WDR43: variants seen among roughly 807,000 people sequenced by gnomAD.
WDR43 encodes the protein WD repeat-containing protein 43.
A neutral mutation model predicts 91.4 loss-of-function variants in WDR43; 13 were observed. The ratio of observed to expected loss-of-function variants is 0.14; its 90% CI spans 0.09 to 0.23. The LOEUF is 0.23. Among genes scored for constraint, WDR43 ranks in the 10% least tolerant of loss-of-function variants. The pLI is 1.00. For missense variants in WDR43, 780 were observed against 809.4 expected (o/e 0.96, Z 0.44); for synonymous variants, 331 against 287.9 (o/e 1.15, Z -1.51).
At chr2:28,935,403 A>T in intron 11 of WDR43, 118 bp from the exon 12 acceptor site, 1 of 621,228 alleles carries the variant, frequency 1.6e-6, no homozygotes, top group Non-Finnish European at 2.7e-6. Flanking sequence ...TTCAGTTTGT[A>T]GTTTATTGCC....
At chr2:28,929,860 G>C in intron 11 of WDR43, 150 bp downstream of exon 11, 1 of 861,424 alleles carries the variant, frequency 1.2e-6, no homozygotes, top group South Asian at 1.8e-5. Flanking sequence ...GTATCACTTG[G>C]TGGCATTATA....
At chr2:28,919,502 A>G (rs1355386801) in intron 6 of WDR43, among the ~76,000 whole-genome samples, 1 of 152,080 alleles carries the variant, frequency 6.6e-6, no homozygotes, top group East Asian at 1.9e-4. Flanking sequence ...TAAAAATACA[A>G]AAAATTAGCC....
rs573972169 is a variant in WDR43, at chr2:28,932,704, A to G, written c.1438-2817A>G. Among the ~76,000 whole-genome samples the G allele has an allele frequency of 2.0e-5, 3 of 152,300 alleles. No homozygotes were observed. In the South Asian group the frequency reaches 6.2e-4, roughly 32 times the overall value. On this transcript the variant is annotated intron_variant, in intron 11 of 17. Transcript: ENST00000407426. ...GGGATACAACATGGCACCTTCCAAG[A>G]GGTTAATACTGTCTGTCATAGAAAA...
At chr2:28,904,544 C>G (rs574711761) in intron 2 of WDR43, among the ~76,000 whole-genome samples, 11 of 152,264 alleles carry the variant, frequency 7.2e-5, no homozygotes, top group African/African-American at 2.6e-4. Flanking sequence ...CATCATAAGG[C>G]TAAACACATT....
chr2:28,912,789 A>G (rs1375217449), intron 4 of WDR43, 79 bp downstream of exon 4: 3 of 1,536,342 alleles, frequency 2.0e-6, no homozygotes, highest in Admixed American at 2.1e-5. Flanking sequence ...ACCATAAGAT[A>G]TTATTTTAAG....
At chr2:28,907,172 A>T (rs981676371) in intron 3 of WDR43, among the ~76,000 whole-genome samples, 1 of 152,212 alleles carries the variant, frequency 6.6e-6, no homozygotes, top group Non-Finnish European at 1.5e-5. Flanking sequence ...ATGCTTAGTA[A>T]ATGTGGGCTG....
rs955057991 is a variant in WDR43 at position 28,947,808 on chromosome 2, A to G, written c.*1029A>G. The G allele has an allele frequency of 2.8e-5, 4 of 144,212 alleles. No individual in the cohort carries two copies. In the Middle Eastern group the frequency reaches 0.015, roughly 546 times the overall value. The allele number at this position is 144,212 out of a possible 1,614,324, so 8.9% of individuals were successfully genotyped here. ...TGATAAGTCTCACTCAAGATTTTTT[A>G]TGTATGTATAAATATTTTGGTGTGC... On this transcript the variant is annotated 3_prime_UTR_variant, in exon 18 of 18. Coordinates refer to ENST00000407426, the MANE Select transcript of WDR43 (RefSeq NM_015131.3).
Position 28,946,672 on chromosome 2 carries a change from G to A in WDR43, c.1927G>A (p.Ala643Thr). ...GGACGTTGAAGAGGAAGATGAGGAT[G>A]CCGAAGGAAAAGATGAAGAAAATGG... The part of the protein sequence containing the change: ...DEDVEEEDED[A>T]EGKDEENGED... The change falls in exon 18 of 18, where the codon GCC (alanine) becomes ACC (threonine). Residue 643 changes from alanine to threonine, a missense_variant. Physicochemically the swap from Ala to Thr is moderately conservative, Grantham distance 58. This residue lies in a region of WDR43 where 426 missense variants were observed against 467.8 expected (regional missense o/e 0.91). Coordinates refer to ENST00000407426, the MANE Select transcript of WDR43 (RefSeq NM_015131.3). 6.4e-7 allele frequency: 1 copy of A among 1,563,920 alleles called. No individual in the cohort carries two copies. The highest frequency in any genetic ancestry group is 1.4e-5 in the African/African-American group (1 of 73,746).
Position 28,922,797 on chromosome 2 carries a change from G to GTTTTTTTTTTTTTTTT in WDR43, c.850-120_850-105dup, listed in dbSNP as rs70958224. The GTTTTTTTTTTTTTTTT allele has an allele frequency of 6.4e-5, 15 of 233,868 alleles. 2 individuals carry two copies. Among genetic ancestry groups the GTTTTTTTTTTTTTTTT allele is most frequent in the South Asian group, 9.4e-5 (1 of 10,622 alleles). 14.5% of individuals were successfully genotyped at this position (233,868 alleles called of 1,614,324 possible). On this transcript the variant is annotated intron_variant, in intron 6 of 17. Coordinates refer to ENST00000407426, the MANE Select transcript of WDR43 (RefSeq NM_015131.3). ...TTATTTTTAAATGGATTCTTGCTGTGTTTTTTTTTTTTTTTTTCTGGTTGT... is the reference window on the plus strand; with the variant it reads ...TTATTTTTAAATGGATTCTTGCTGTGTTTTTTTTTTTTTTTTTTTTTTTTTTTTTTTTTCTGGTTGT...
At chr2:28,937,441 G>A (rs1470667565) in intron 13 of WDR43, among the ~76,000 whole-genome samples, 1 of 151,660 alleles carries the variant, frequency 6.6e-6, no homozygotes, top group Admixed American at 6.6e-5. Flanking sequence ...CTCGTGGGGT[G>A]CATTAGCCTT....
At chr2:28,913,920 A>G (rs1670856577) in intron 4 of WDR43, 149 bp from the exon 5 acceptor site, 5 of 926,486 alleles carry the variant, frequency 5.4e-6, no homozygotes, top group African/African-American at 5.0e-5. Flanking sequence ...AAATAACCTT[A>G]TTTGCTTAGA....
chr2:28,914,031 T>C (rs780771164), intron 4 of WDR43, 38 bp from the exon 5 acceptor site: 9 of 1,608,170 alleles, frequency 5.6e-6, no homozygotes, highest in Non-Finnish European at 7.6e-6. Flanking sequence ...GTCCCTGCTT[T>C]GAATCTGCTC....
intron 2 of WDR43, among the ~76,000 whole-genome samples, chr2:28,902,988 A>G (rs1260650696): frequency 6.6e-6 from 1 of 152,256 alleles, no homozygotes; most frequent in Non-Finnish European, 1.5e-5. Flanking sequence ...ATAAAGTTGA[A>G]AAGGAAAAAA....
chr2:28,910,694 T>TATATATATATAC (rs1001847583), intron 3 of WDR43, among the ~76,000 whole-genome samples: 2 of 148,312 alleles, frequency 1.3e-5, no homozygotes. Context: ...TATATATATA[T>TATATATATATAC]AATTATTATT....
At chr2:28,945,293 C>A (rs1671524781) in intron 16 of WDR43, among the ~76,000 whole-genome samples, 1 of 152,224 alleles carries the variant, frequency 6.6e-6, no homozygotes, top group African/African-American at 2.4e-5. Flanking sequence ...CTAATGAAAT[C>A]AATTCCTTAG....
intron 9 of WDR43, 30 bp downstream of exon 9, chr2:28,926,584 GA>G (rs1671147877): frequency 1.4e-5 from 21 of 1,533,702 alleles, no homozygotes; most frequent in African/African-American, 1.2e-4. Context: ...GAAGTTTTAA[GA>G]AAAAGAATAT....
chr2:28,917,277 A>C (rs1670929326), intron 5 of WDR43, among the ~76,000 whole-genome samples: 1 of 152,192 alleles, frequency 6.6e-6, no homozygotes, highest in Non-Finnish European at 1.5e-5. Flanking sequence ...GGTTACAAAT[A>C]AAATTTTGCA....
At chr2:28,942,247 T>C in intron 15 of WDR43, 65 bp from the exon 16 acceptor site, 3 of 1,517,732 alleles carry the variant, frequency 2.0e-6, no homozygotes, top group East Asian at 2.3e-5. Flanking sequence ...TTGGGTATGC[T>C]GGTGGTCGTG....
In WDR43 at chr2:28,942,302, C is replaced by T. The variant is rs750001745; in HGVS notation, c.1735-10C>T. On this transcript the variant is annotated splice_polypyrimidine_tract_variant and intron_variant, in intron 15 of 17. Coordinates refer to ENST00000407426, the MANE Select transcript of WDR43 (RefSeq NM_015131.3). ...ACTCTACTTCAGAACAGTACTTTAT[C>T]TTCTTCCAGGTAACAGCATCAGAGA... 2.7e-5 allele frequency: 44 copies of T among 1,610,690 alleles called. No individual in the cohort carries two copies. The highest frequency in any genetic ancestry group is 3.7e-5 in the Non-Finnish European group (43 of 1,177,738).
Sources: gnomAD v4.1 joint callset for allele counts (sites outside exome capture counted in the v4.1 genomes callset) on GRCh38, gnomAD v4.1.1 for gene constraint, gnomAD v4.1.1 regional missense constraint, MANE v1.5 for transcripts, NCBI Gene and HGNC (gene_info 2026-07-23, HGNC 2026-07-21) for gene names.